TRIML1: variants seen among roughly 807,000 people sequenced by gnomAD.
TRIML1 encodes tripartite motif family like 1.
In TRIML1, 34 loss-of-function variants were observed where a neutral mutation model predicts 32.3. The ratio of observed to expected loss-of-function variants is 1.05; its 90% confidence interval spans 0.80 to 1.40. The LOEUF (loss-of-function observed/expected upper bound fraction) is 1.40. Among genes scored for constraint, TRIML1 ranks in the 40% most tolerant of loss-of-function variants. The pLI is 0.00. For missense variants in TRIML1, 595 were observed against 574.9 expected (o/e 1.03, Z -0.36); for synonymous variants, 244 against 226.6 (o/e 1.08, Z -0.69).
intron 5 of TRIML1, among the ~76,000 whole-genome samples, chr4:188,144,522 C>T (rs1734992482): frequency 7.2e-6 from 1 of 138,514 alleles, no homozygotes; most frequent in South Asian, 2.5e-4. Flanking sequence ...GCCACCACGC[C>T]TGGGTAATTT....
downstream of TRIML1, among the ~76,000 whole-genome samples, chr4:188,148,519 G>A (rs1288078117): frequency 6.6e-6 from 1 of 152,028 alleles, no homozygotes. Context: ...CAGGTTTTGT[G>A]AGGAAGTGGT....
downstream of TRIML1, among the ~76,000 whole-genome samples, chr4:188,149,835 G>T (rs1735203795): frequency 6.6e-6 from 1 of 152,004 alleles, no homozygotes; most frequent in Non-Finnish European, 1.5e-5. Context: ...ATGGAGTCTG[G>T]CTCTCTCGCC....
At chr4:188,149,892 C>A (rs897378997), downstream of TRIML1, among the ~76,000 whole-genome samples, 8 of 152,006 alleles carry the variant, frequency 5.3e-5, no homozygotes, top group Non-Finnish European at 2.9e-5. Context: ...AACCTCTAAC[C>A]CCTGGGTTCA....
At chr4:188,140,429 T>A (rs1244989973) in intron 1 of TRIML1, 99 bp from the exon 2 acceptor site, 1 of 949,952 alleles carries the variant, frequency 1.1e-6, no homozygotes, top group Non-Finnish European at 1.7e-6. Context: ...GCCTGCCCTT[T>A]GTTTTAGAGG....
At chr4:188,146,524 C>T (rs1380104450) in intron 5 of TRIML1, among the ~76,000 whole-genome samples, 1 of 152,120 alleles carries the variant, frequency 6.6e-6, no homozygotes, top group Admixed American at 6.5e-5. Flanking sequence ...ATTCTCGTGC[C>T]TCAGCCTCCT....
Position 188,139,597 on chromosome 4 carries a change from A to C in TRIML1, c.39A>C (p.Glu13Asp). 6.2e-7 allele frequency: 1 copy of C among 1,606,250 alleles called. No individual in the cohort carries two copies. Among genetic ancestry groups the C allele is most frequent in the Non-Finnish European group, 8.5e-7 (1 of 1,175,292 alleles). Residue 13 changes from glutamate to aspartate, a missense_variant, in exon 1 of 6, where the codon GAA becomes GAC. By Grantham distance (45) the Glu-to-Asp change is conservative. Coordinates refer to ENST00000332517, the MANE Select transcript of TRIML1 (RefSeq NM_178556.5). ...TADLMENLRE[E>D]LTCFICLDYF... ...ATCTGATGGAGAACCTCAGGGAGGA[A>C]CTCACCTGTTTCATCTGCTTAGACT...
chr4:188,144,181 T>C (rs758175104), intron 5 of TRIML1, 48 bp downstream of exon 5: 148 of 1,474,302 alleles, frequency 1.0e-4, no homozygotes, highest in Non-Finnish European at 9.8e-5. Context: ...AGAATTAACT[T>C]CAGCATACCT....
rs1489853412 is a variant in TRIML1 at position 188,139,480 on chromosome 4, A to G, written c.-79A>G. 6.9e-7 allele frequency: 1 copy of G among 1,450,402 alleles called. No homozygotes were observed. The highest frequency in any genetic ancestry group is 9.3e-7 in the Non-Finnish European group (1 of 1,076,646). 89.8% of individuals were successfully genotyped at this position (1,450,402 alleles called of 1,614,324 possible). ...GGAACAGGTCACCCGCGTGTTACTC[A>G]AAACTGTAGGACGGCAGTGAGGGCT... On this transcript the variant is annotated 5_prime_UTR_variant, in exon 1 of 6. Transcript: ENST00000332517.
intron 3 of TRIML1, chr4:188,143,275 C>CT (rs139882724): frequency 0.041 from 6,249 of 154,066 alleles, 417 homozygotes; most frequent in African/African-American, 0.14. Flanking sequence ...AGGATGGTCT[C>CT]TATCTCTTGA....
In TRIML1 at chr4:188,147,399, G is replaced by A; in HGVS notation, c.*27G>A. ...GGGCGTGCCCTGAGCCGTCACAGCG[G>A]GCGATGTCTGAGACCAAGACACAAC... On this transcript the variant is annotated 3_prime_UTR_variant, in exon 6 of 6. Coordinates refer to ENST00000332517, the MANE Select transcript of TRIML1 (RefSeq NM_178556.5). 1 of 1,455,240 alleles carries A rather than the reference G, an allele frequency of 6.9e-7. No homozygotes were observed. The highest frequency in any genetic ancestry group is 9.0e-7 in the Non-Finnish European group (1 of 1,106,070). 90.1% of individuals were successfully genotyped at this position (1,455,240 alleles called of 1,614,324 possible).
chr4:188,150,375 C>T (rs1211219205), downstream of TRIML1, among the ~76,000 whole-genome samples: 5 of 152,096 alleles, frequency 3.3e-5, no homozygotes, highest in African/African-American at 9.6e-5. Context: ...GTGATCCACC[C>T]GCCTCAGCCT....
intron 3 of TRIML1, chr4:188,143,559 T>C: frequency 2.2e-6 from 1 of 458,586 alleles, no homozygotes; most frequent in Non-Finnish European, 4.0e-6. Context: ...GACTAACAGG[T>C]TGGCTTGTTT....
chr4:188,137,735 C>T (rs567176416), upstream of TRIML1, among the ~76,000 whole-genome samples: 3 of 151,868 alleles, frequency 2.0e-5, no homozygotes, highest in Non-Finnish European at 4.4e-5. Flanking sequence ...CCTCAGCCTC[C>T]CAAAGTGCTG....
chr4:188,142,136 A>T, intron 2 of TRIML1, 116 bp from the exon 3 acceptor site: 1 of 699,854 alleles, frequency 1.4e-6, no homozygotes, highest in Non-Finnish European at 2.2e-6. Context: ...AAAAAAAGAA[A>T]GAAAGAAACT....
chr4:188,144,376 T>C (rs1224264706), intron 5 of TRIML1, among the ~76,000 whole-genome samples: 1 of 150,762 alleles, frequency 6.6e-6, no homozygotes, highest in Non-Finnish European at 1.5e-5. Flanking sequence ...TTTTTTTTTT[T>C]CTTTGAGACG....
At position 188,147,038 on chromosome 4, in the gene TRIML1, G is replaced by A; in HGVS notation, c.1073G>A (p.Cys358Tyr). ...AAGACCGAGTGGGAAGTGGGCATCT[G>A]CAAGGACTCTGTGAGCAGAAAGGGG... ...GNKTEWEVGI[C>Y]KDSVSRKGNL... Residue 358 changes from cysteine (C) to tyrosine (Y), a missense_variant, in exon 6 of 6, where the codon TGC becomes TAC. Physicochemically the swap from Cys to Tyr is radical, Grantham distance 194. Coordinates refer to ENST00000332517, the MANE Select transcript of TRIML1 (RefSeq NM_178556.5). 1 of 1,611,182 alleles carries A rather than the reference G, an allele frequency of 6.2e-7. No homozygotes were observed. Among genetic ancestry groups the A allele is most frequent in the Non-Finnish European group, 8.5e-7 (1 of 1,178,570 alleles).
chr4:188,150,409 G>A (rs185246126), downstream of TRIML1, among the ~76,000 whole-genome samples: 21 of 152,250 alleles, frequency 1.4e-4, no homozygotes, highest in African/African-American at 3.6e-4. Flanking sequence ...GATTACAGGC[G>A]TGAGCCACCG....
Position 188,140,567 on chromosome 4 carries a change from A to G in TRIML1, c.448A>G (p.Arg150Gly), listed in dbSNP as rs1043054135. ...QEILNLLRVRRKEAQAVLTHE... is the reference protein window; with the variant it reads ...QEILNLLRVRGKEAQAVLTHE... ...AATCCTGAATCTTTTGCGTGTAAGGAGAAAGGAAGCTCAGGCTGTACTAAC... is the reference window on the plus strand; with the variant it reads ...AATCCTGAATCTTTTGCGTGTAAGGGGAAAGGAAGCTCAGGCTGTACTAAC... Residue 150 changes from arginine to glycine, a missense_variant, in exon 2 of 6, where the codon AGA becomes GGA. Physicochemically the swap from Arg to Gly is moderately radical, Grantham distance 125 (BLOSUM62 -2). Transcript: ENST00000332517. 3.7e-6 allele frequency: 6 copies of G among 1,614,080 alleles called. No individual in the cohort carries two copies. Among genetic ancestry groups the G allele is most frequent in the Non-Finnish European group, 5.1e-6 (6 of 1,179,980 alleles).
intron 3 of TRIML1, chr4:188,142,961 T>A (rs1012534445): frequency 1.3e-5 from 2 of 156,598 alleles, no homozygotes; most frequent in African/African-American, 4.8e-5. Context: ...CGCCTGATAG[T>A]TAATAGACAG....
Sources: allele counts gnomAD v4.1 joint callset (sites outside exome capture counted in the v4.1 genomes callset), GRCh38; gene constraint gnomAD v4.1.1; transcripts MANE v1.5; gene names NCBI Gene and HGNC (gene_info 2026-07-23, HGNC 2026-07-21).